The following POLR1C variants were observed in gnomAD, a reference collection of about 807,000 sequenced individuals.
POLR1C encodes DNA-directed RNA polymerases I and III subunit RPAC1.
POLR1C carries 42 observed loss-of-function variants against 38.3 expected under a neutral mutation model. That is an observed-to-expected ratio of 1.10 (90% CI 0.86 to 1.42). POLR1C has a LOEUF of 1.42. Among genes scored for constraint, POLR1C ranks in the 40% most tolerant of loss-of-function variants. The pLI is 0.00. For synonymous variants in POLR1C, 163 were observed against 163.9 expected, an observed-to-expected ratio of 0.99 and a Z score of 0.04; for missense variants, 507 against 450.5, an observed-to-expected ratio of 1.13 and a Z score of -1.14.
chr6:43,530,364 TGAGCC>T (rs1257400030), downstream of POLR1C, among the ~76,000 whole-genome samples: 121 of 151,416 alleles, frequency 8.0e-4, no homozygotes, highest in African/African-American at 2.7e-3. Flanking sequence ...GCAGAAGCTG[TGAGCC>T]GAGATCATAC....
downstream of POLR1C, chr6:43,522,803 G>A (rs544427233): frequency 1.3e-4 from 52 of 399,882 alleles, no homozygotes; most frequent in African/African-American, 7.2e-4. Context: ...CTGCCTTACG[G>A]CCAGTAATAA....
At chr6:43,539,645 C>T in intron 9 of POLR1C, 3 of 1,305,902 alleles carry the variant, frequency 2.3e-6, no homozygotes, top group East Asian at 2.5e-5. Context: ...ACCGCGGTTC[C>T]CCATCCCAGG....
downstream of POLR1C, chr6:43,531,596 A>G: frequency 6.3e-7 from 1 of 1,593,404 alleles, no homozygotes. Context: ...ATACGGGTCA[A>G]GAACATGATG....
intron 9 of POLR1C, among the ~76,000 whole-genome samples, chr6:43,543,726 A>G (rs995805118): frequency 9.9e-5 from 15 of 151,972 alleles, no homozygotes; most frequent in African/African-American, 3.6e-4. Context: ...GGGACAGGGA[A>G]GACTCTTCCC....
At chr6:43,527,187 G>C (rs902089323) in intron 8 of POLR1C, 1 of 208,398 alleles carries the variant, frequency 4.8e-6, no homozygotes, top group Non-Finnish European at 9.9e-6. Context: ...TATTCAGCTT[G>C]CAATTCATAA....
chr6:43,523,537 G>T, downstream of POLR1C: 1 of 492,078 alleles, frequency 2.0e-6, no homozygotes, highest in Non-Finnish European at 4.0e-6. Context: ...ATTCTGTACA[G>T]GTATGTGGCT....
At chr6:43,540,880 A>C (rs977605867) in intron 9 of POLR1C, among the ~76,000 whole-genome samples, 2 of 152,242 alleles carry the variant, frequency 1.3e-5, no homozygotes, top group Admixed American at 6.5e-5. Context: ...CATAATTCAC[A>C]TAACATAAAA....
At chr6:43,553,512 C>A in intron 10 of POLR1C, 2 of 1,415,568 alleles carry the variant, frequency 1.4e-6, no homozygotes, top group South Asian at 1.4e-5. Flanking sequence ...AGCTTTAAAA[C>A]ACACACACAC....
At chr6:43,530,972 G>T (rs1489008165), downstream of POLR1C, 189 of 1,058,692 alleles carry the variant, frequency 1.8e-4, 2 homozygotes, top group Non-Finnish European at 2.2e-4. Flanking sequence ...TATAGATACA[G>T]CATCTTTTTA....
At chr6:43,553,742 G>A (rs1761854619) in intron 10 of POLR1C, 13 of 724,432 alleles carry the variant, frequency 1.8e-5, no homozygotes, top group South Asian at 3.5e-5. Context: ...AACAATGAGC[G>A]GTCTGAATTC....
At chr6:43,523,841 C>A, downstream of POLR1C, 4 of 1,613,910 alleles carry the variant, frequency 2.5e-6, no homozygotes, top group Non-Finnish European at 3.4e-6. Context: ...ACAAGAAAGG[C>A]CGAGGAAGGA....
chr6:43,548,248 G>A (rs774365756), intron 9 of POLR1C: 4 of 1,582,638 alleles, frequency 2.5e-6, no homozygotes, highest in East Asian at 4.5e-5. Flanking sequence ...TCAGGGCAAG[G>A]GATCTCCTTT....
In POLR1C at chr6:43,517,129, T is replaced by C. The variant is rs965467030; in HGVS notation, c.20T>C (p.Val7Ala). The part of the protein sequence containing the change: MAASQA[V>A]EEMRSRVVLG... ...TTGAAGATGGCGGCTTCTCAGGCGGTGGAGGAAATGCGGAGCCGCGTGGTT... is the reference window on the plus strand; with the variant it reads ...TTGAAGATGGCGGCTTCTCAGGCGGCGGAGGAAATGCGGAGCCGCGTGGTT... Residue 7 changes from valine (V) to alanine (A), a missense_variant, in exon 1 of 9, where the codon GTG becomes GCG. By Grantham distance (64) the Val-to-Ala change is moderately conservative. Coordinates refer to ENST00000642195, the MANE Select transcript of POLR1C (RefSeq NM_203290.4). The C allele has an allele frequency of 6.2e-7, 1 of 1,613,798 alleles. No homozygotes were observed. The highest frequency in any genetic ancestry group is 8.5e-7 in the Non-Finnish European group (1 of 1,179,952).
intron 8 of POLR1C, chr6:43,528,690 G>A (rs1406111621): frequency 1.3e-6 from 1 of 775,074 alleles, no homozygotes; most frequent in Admixed American, 2.4e-5. Flanking sequence ...AGGATAGTCA[G>A]CTGGGGTAGA....
chr6:43,520,735 T>A lies in POLR1C; in HGVS notation c.766T>A (p.Cys256Ser). The A allele has an allele frequency of 6.2e-7, 1 of 1,614,110 alleles. No individual in the cohort carries two copies. Among genetic ancestry groups the A allele is most frequent in the Non-Finnish European group, 8.5e-7 (1 of 1,180,014 alleles). ...GGAGGCAGCTGAGGAGTTGAGCAGG[T>A]GCTTCTCACCTGGTGTTATTGAGGT... ...EGEAAEELSR[C>S]FSPGVIEVQE... The change falls in exon 7 of 9, where the codon TGC becomes AGC. Residue 256 changes from cysteine to serine, a missense_variant. Coordinates refer to ENST00000642195, the MANE Select transcript of POLR1C (RefSeq NM_203290.4).
chr6:43,532,175 A>C (rs1794031326), downstream of POLR1C, among the ~76,000 whole-genome samples: 1 of 152,290 alleles, frequency 6.6e-6, no homozygotes, highest in African/African-American at 2.4e-5. Context: ...TACTTTTTAT[A>C]TTAATAGCTA....
rs1267775070 is a variant in POLR1C, at chr6:43,521,230, A to G, written c.971A>G (p.Glu324Gly). ...TTGCCACCAGATGTGCTGGTGAGTG[A>G]AGCCATCAAAGTACTGATGGGGAAG... ...GVLPPDVLVS[E>G]AIKVLMGKCR... Residue 324 changes from glutamate to glycine, a missense_variant, in exon 9 of 9, where the codon GAA becomes GGA. Glu to Gly is a moderately conservative substitution (Grantham distance 98, BLOSUM62 -2). Transcript: ENST00000642195. The G allele has an allele frequency of 1.9e-6, 3 of 1,613,868 alleles. No individual in the cohort carries two copies. Among genetic ancestry groups the G allele is most frequent in the Non-Finnish European group, 1.7e-6 (2 of 1,180,016 alleles).
At chr6:43,538,948 G>A (rs944816844) in intron 9 of POLR1C, 6 of 1,340,970 alleles carry the variant, frequency 4.5e-6, no homozygotes, top group African/African-American at 2.9e-5. Context: ...AGAGGTCGGG[G>A]GTCAGGTAGC....
At chr6:43,530,550 A>C, downstream of POLR1C, 2 of 1,028,570 alleles carry the variant, frequency 1.9e-6, no homozygotes, top group Admixed American at 3.2e-5. Flanking sequence ...AGTGTTTTTA[A>C]TGACATGATA....
Sources: allele counts gnomAD v4.1 joint callset (sites outside exome capture counted in the v4.1 genomes callset), GRCh38; gene constraint gnomAD v4.1.1; transcripts MANE v1.5; gene names NCBI Gene and HGNC (gene_info 2026-07-23, HGNC 2026-07-21).